HDAC11: variants seen among roughly 807,000 people sequenced by gnomAD.
HDAC11 encodes the protein histone deacetylase 11.
Under a neutral mutation model 41.1 loss-of-function variants are expected in HDAC11, and 23 were observed. That is an observed-to-expected ratio of 0.56 (90% CI 0.40 to 0.79). HDAC11 has a LOEUF of 0.79. Ranked by LOEUF, HDAC11 falls within the 30% of genes least tolerant of loss-of-function variation. The pLI is 0.00. For synonymous variants in HDAC11, 187 were observed against 186.6 expected, an observed-to-expected ratio of 1.00 and a Z score of -0.02; for missense variants, 402 against 477.3, an observed-to-expected ratio of 0.84 and a Z score of 1.47.
At chr3:13,485,294 G>A (rs1334324847) in intron 3 of HDAC11, among the ~76,000 whole-genome samples, 1 of 152,240 alleles carries the variant, frequency 6.6e-6, no homozygotes, top group Non-Finnish European at 1.5e-5. Context: ...CTGGGAGAGA[G>A]AGGGGTGTGA....
intron 3 of HDAC11, among the ~76,000 whole-genome samples, chr3:13,489,804 G>C (rs955608158): frequency 1.3e-5 from 2 of 152,174 alleles, no homozygotes; most frequent in African/African-American, 4.8e-5. Context: ...GTGACCTCAA[G>C]TGATTTGCTC....
intron 3 of HDAC11, among the ~76,000 whole-genome samples, chr3:13,493,739 G>A (rs773422053): frequency 3.3e-5 from 5 of 152,172 alleles, no homozygotes; most frequent in Admixed American, 2.0e-4. Context: ...GGCTCGTCTC[G>A]CCAACGTTGG....
chr3:13,500,231 T>C (rs1245173053), intron 5 of HDAC11, among the ~76,000 whole-genome samples: 3 of 152,076 alleles, frequency 2.0e-5, no homozygotes, highest in African/African-American at 7.2e-5. Flanking sequence ...GCCCTAGGGC[T>C]CTGAGGCTGT....
intron 3 of HDAC11, 74 bp from the exon 4 acceptor site, chr3:13,496,662 C>T: frequency 1.1e-6 from 1 of 947,256 alleles, no homozygotes; most frequent in East Asian, 2.7e-5. Context: ...AAGGCATTTC[C>T]CGGGGAACCA....
chr3:13,481,181 T>G, intron 1 of HDAC11, 65 bp from the exon 2 acceptor site: 1 of 1,539,810 alleles, frequency 6.5e-7, no homozygotes, highest in Non-Finnish European at 8.8e-7. Flanking sequence ...CCAGGCGGGC[T>G]CGGGAGGGAG....
At chr3:13,487,110 G>A (rs1180451183) in intron 3 of HDAC11, among the ~76,000 whole-genome samples, 1 of 152,130 alleles carries the variant, frequency 6.6e-6, no homozygotes, top group Non-Finnish European at 1.5e-5. Context: ...AGTCACGAGG[G>A]GGTTTTCAGC....
intron 3 of HDAC11, among the ~76,000 whole-genome samples, chr3:13,484,397 C>T (rs1397768184): frequency 1.3e-5 from 2 of 152,160 alleles, no homozygotes; most frequent in South Asian, 2.1e-4. Flanking sequence ...GTGGGAGGGC[C>T]GGTGGTAGAG....
chr3:13,490,744 C>CTTTT (rs59531656), intron 3 of HDAC11, among the ~76,000 whole-genome samples: 12 of 41,404 alleles, frequency 2.9e-4, no homozygotes, highest in South Asian at 2.4e-3. Flanking sequence ...GCATTTTTTT[C>CTTTT]TTTTTTTTTT....
chr3:13,503,036 C>T (rs1702446702), intron 8 of HDAC11, 56 bp downstream of exon 8: 2 of 1,320,780 alleles, frequency 1.5e-6, no homozygotes, highest in Non-Finnish European at 2.2e-6. Flanking sequence ...GAGGCTCTCT[C>T]CTGAGTGTCT....
chr3:13,482,375 G>C (rs1170771495), intron 2 of HDAC11, among the ~76,000 whole-genome samples: 1 of 152,224 alleles, frequency 6.6e-6, no homozygotes, highest in Non-Finnish European at 1.5e-5. Context: ...AATCCAGGCT[G>C]GTTACTATTG....
At chr3:13,481,671 G>A (rs966142817) in intron 2 of HDAC11, among the ~76,000 whole-genome samples, 1 of 152,166 alleles carries the variant, frequency 6.6e-6, no homozygotes, top group African/African-American at 2.4e-5. Context: ...ATTACTGATG[G>A]GCACAGGGAA....
chr3:13,497,716 C>T lies in HDAC11; in HGVS notation c.370-797C>T, dbSNP rs1051789156. On this transcript the variant is annotated intron_variant, in intron 4 of 9. Coordinates refer to ENST00000295757, the MANE Select transcript of HDAC11 (RefSeq NM_024827.4). ...GATCTAACCCAGCCCTGGATCACTA[C>T]CTACTGATCCCCTACAGTTCTGTTA... 3.3e-5 allele frequency among the ~76,000 whole-genome samples: 5 copies of T among 152,188 alleles called. No individual in the cohort carries two copies. In the South Asian group the frequency reaches 1.0e-3, roughly 32 times the overall value.
At chr3:13,501,979 C>T (rs542834704) in intron 7 of HDAC11, 46 bp downstream of exon 7, 1 of 1,529,302 alleles carries the variant, frequency 6.5e-7, no homozygotes, top group Non-Finnish European at 9.1e-7. Context: ...CTGCCACCCC[C>T]AGTTCCAGAA....
At chr3:13,494,946 C>T (rs1227801246) in intron 3 of HDAC11, among the ~76,000 whole-genome samples, 2 of 152,094 alleles carry the variant, frequency 1.3e-5, no homozygotes, top group African/African-American at 2.4e-5. Context: ...AGGTTCGTCA[C>T]CCCTCTGCCA....
At chr3:13,503,214 A>G in intron 8 of HDAC11, 1 of 351,770 alleles carries the variant, frequency 2.8e-6, no homozygotes, top group Non-Finnish European at 5.2e-6. Context: ...AAAAAACAGG[A>G]AAGAATGAAA....
intron 8 of HDAC11, 178 bp downstream of exon 8, chr3:13,503,158 C>A: frequency 4.0e-6 from 2 of 498,768 alleles, no homozygotes; most frequent in Non-Finnish European, 7.2e-6. Context: ...TCACTCGACC[C>A]ACCCAAGATC....
At position 13,502,836 on chromosome 3, in the gene HDAC11, C is replaced by T. The variant is rs1233591988; in HGVS notation, c.553-48C>T. On this transcript the variant is annotated intron_variant, in intron 7 of 9. Coordinates refer to ENST00000295757, the MANE Select transcript of HDAC11 (RefSeq NM_024827.4). This position sits in a 1 kb window ranked among gnomAD's most constrained non-coding sequence, Gnocchi z 4.1. Reference sequence around the variant, plus strand: ...GGTGGGTGGGTGGCAGAGCCCCAGCCTTGCCTAGGGCACCTACCCGAGAGC... The same window carrying T: ...GGTGGGTGGGTGGCAGAGCCCCAGCTTTGCCTAGGGCACCTACCCGAGAGC... The T allele has an allele frequency of 6.0e-6, 9 of 1,509,652 alleles. No homozygotes were observed. The highest frequency in any genetic ancestry group is 8.3e-6 in the Non-Finnish European group (9 of 1,088,380). The allele number at this position is 1,509,652 out of a possible 1,614,324, so 93.5% of individuals were successfully genotyped here.
At chr3:13,501,959 C>G (rs756861622) in intron 7 of HDAC11, 26 bp downstream of exon 7, 2 of 1,599,614 alleles carry the variant, frequency 1.3e-6, no homozygotes, top group South Asian at 1.1e-5. Context: ...GGGCTGGACT[C>G]TTAGGGGACC....
chr3:13,503,212 G>A, intron 8 of HDAC11: 8 of 352,766 alleles, frequency 2.3e-5, no homozygotes, highest in South Asian at 1.4e-4. Context: ...GCAAAAAACA[G>A]GAAAGAATGA....
Sources: allele counts gnomAD v4.1 joint callset (sites outside exome capture counted in the v4.1 genomes callset), GRCh38; gene constraint gnomAD v4.1.1; non-coding constraint Gnocchi (gnomAD v3.1); transcripts MANE v1.5; gene names NCBI Gene and HGNC (gene_info 2026-07-23, HGNC 2026-07-21).